Variants in GRHL3 observed in about 807,000 individuals in gnomAD.
GRHL3 encodes the protein grainyhead like transcription factor 3.
In GRHL3, 20 loss-of-function variants were observed where a neutral mutation model predicts 70.3. The ratio of observed to expected loss-of-function variants is 0.28; its 90% CI spans 0.20 to 0.41. The LOEUF (loss-of-function observed/expected upper bound fraction) is 0.41, where lower values mean the gene tolerates loss of function less well. Ranked by LOEUF, GRHL3 falls within the 10% of genes least tolerant of loss-of-function variation. The pLI, the probability that GRHL3 is intolerant of heterozygous loss-of-function variation, is 1.00. For missense variants in GRHL3, 637 were observed against 762.3 expected (o/e 0.84, Z 1.94); for synonymous variants, 299 against 299.9 (o/e 1.00, Z 0.03).
intron 11 of GRHL3, among the ~76,000 whole-genome samples, chr1:24,344,528 T>C (rs1329834242): frequency 6.9e-6 from 1 of 145,280 alleles, no homozygotes; most frequent in African/African-American, 2.5e-5. Flanking sequence ...CTGTTGCCCT[T>C]GCTCCCTTGG....
At chr1:24,335,014 AAC>A (rs35646472) in intron 3 of GRHL3, among the ~76,000 whole-genome samples, 27,921 of 136,560 alleles carry the variant, frequency 0.2, 2,570 homozygotes, top group Middle Eastern at 0.28. Context: ...TCAGCTTGAA[AAC>A]ACACACACAC....
intron 14 of GRHL3, among the ~76,000 whole-genome samples, chr1:24,348,139 G>C (rs549096039): frequency 1.3e-5 from 2 of 152,162 alleles, no homozygotes; most frequent in African/African-American, 2.4e-5. Flanking sequence ...GGAACCACTC[G>C]GAAAAGCCAG....
intron 11 of GRHL3, 39 bp downstream of exon 11, chr1:24,343,064 A>G: frequency 6.2e-7 from 1 of 1,612,772 alleles, no homozygotes. Context: ...GAGCCGAGAG[A>G]GGGTCCTGGC....
intron 15 of GRHL3, among the ~76,000 whole-genome samples, chr1:24,363,425 G>A (rs1329621520): frequency 2.0e-5 from 3 of 152,154 alleles, no homozygotes; most frequent in Non-Finnish European, 4.4e-5. Context: ...TTGACAATCC[G>A]CTGCCAGCAA....
Position 24,344,869 on chromosome 1 carries a change from G to A in GRHL3, c.1420-28G>A, listed in dbSNP as rs1397125299. On this transcript the variant is annotated intron_variant, in intron 11 of 15. Coordinates refer to ENST00000361548, the MANE Select transcript of GRHL3 (RefSeq NM_198173.3). ...CTCCTCTCATTTTCCTGCGTGTGAT[G>A]GAAAATGTCTTTTTCACTTCATTGC... 2.5e-6 allele frequency: 4 copies of A among 1,613,564 alleles called. No individual in the cohort carries two copies. The East Asian group carries it at 8.9e-5, about 36-fold the overall frequency.
At chr1:24,327,100 A>G (rs1639426958) in intron 1 of GRHL3, among the ~76,000 whole-genome samples, 1 of 152,204 alleles carries the variant, frequency 6.6e-6, no homozygotes, top group African/African-American at 2.4e-5. Context: ...GGTTATTATT[A>G]ACTGAGCAAT....
chr1:24,346,442 C>G, intron 12 of GRHL3, 111 bp from the exon 13 acceptor site: 3 of 684,672 alleles, frequency 4.4e-6, no homozygotes, highest in Non-Finnish European at 7.8e-6. Context: ...GCTTTGCATC[C>G]ACCCTTGTGT....
rs1640632389 is a variant in GRHL3 at position 24,354,382 on chromosome 1, T to C, written c.1703T>C (p.Val568Ala). The C allele has an allele frequency of 6.2e-7, 1 of 1,612,136 alleles. No homozygotes were observed. Among genetic ancestry groups the C allele is most frequent in the African/African-American group, 1.3e-5 (1 of 74,860 alleles). Residue 568 changes from valine (V) to alanine (A), a missense_variant, in exon 16 of 16, where the codon GTC becomes GCC. This residue lies in a region of GRHL3 where 387 missense variants were observed against 513.8 expected (regional missense o/e 0.75). Coordinates refer to ENST00000361548, the MANE Select transcript of GRHL3 (RefSeq NM_198173.3). ...CCCCTCTTCCATTCCAGAATCTTAGTCAACATGGACAACAACATCATTCAG... is the reference window on the plus strand; with the variant it reads ...CCCCTCTTCCATTCCAGAATCTTAGCCAACATGGACAACAACATCATTCAG... ...VYKKCKRGILVNMDNNIIQHY... is the reference protein window; with the variant it reads ...VYKKCKRGILANMDNNIIQHY...
At chr1:24,329,813 G>A (rs1485443970) in intron 1 of GRHL3, among the ~76,000 whole-genome samples, 1 of 152,190 alleles carries the variant, frequency 6.6e-6, no homozygotes, top group South Asian at 2.1e-4. Flanking sequence ...CATCTCTGGG[G>A]CTCTCTCTTC....
In GRHL3 at chr1:24,334,195, C is replaced by T. The variant is rs1639709981; in HGVS notation, c.205-450C>T. Among the ~76,000 whole-genome samples, 1 of 152,144 alleles carries T rather than the reference C, an allele frequency of 6.6e-6. No homozygotes were observed. The highest frequency in any genetic ancestry group is 2.1e-4 in the South Asian group (1 of 4,828). Reference sequence around the variant, plus strand: ...TTTTCTAGTGAGCAAGTGTATTAGTCTGTTCTCACGCTGCTAATAAAGACA... The same window carrying T: ...TTTTCTAGTGAGCAAGTGTATTAGTTTGTTCTCACGCTGCTAATAAAGACA... On this transcript the variant is annotated intron_variant, in intron 2 of 15. Transcript: ENST00000361548. This position sits in a 1 kb window ranked among gnomAD's most constrained non-coding sequence, Gnocchi z 4.3.
chr1:24,364,420 A>G, exon 16 of GRHL3: 1 of 1,489,398 alleles, frequency 6.7e-7, no homozygotes, highest in Non-Finnish European at 8.9e-7. Context: ...GTCACATCTG[A>G]GAGCTCTCAG....
chr1:24,354,485 G>A lies in GRHL3; in HGVS notation c.1806G>A (p.Leu602=). Residue 602 remains leucine, a synonymous_variant, in exon 16 of 16, where the codon CTG becomes CTA. Transcript: ENST00000361548. ...AAATTCAGATCATCCTTAAGGAGCTGTAAGGCCTCTCGAGCATCCAAACCC... is the reference window on the plus strand; with the variant it reads ...AAATTCAGATCATCCTTAAGGAGCTATAAGGCCTCTCGAGCATCCAAACCC... ...DGKIQIILKE[L] 3 of 1,605,872 alleles carry A rather than the reference G, an allele frequency of 1.9e-6. No individual in the cohort carries two copies. The highest frequency in any genetic ancestry group is 1.3e-5 in the African/African-American group (1 of 74,880).
rs777917975 is a variant in GRHL3, at chr1:24,331,453, C to G, written c.45C>G (p.Asn15Lys). The change falls in exon 2 of 16, where the codon AAC (asparagine) becomes AAG (lysine). Residue 15 changes from asparagine (N) to lysine (K), a missense_variant. This residue lies in a region of GRHL3 where 250 missense variants were observed against 248.6 expected (regional missense o/e 1.01). Coordinates refer to ENST00000361548, the MANE Select transcript of GRHL3 (RefSeq NM_198173.3). ...TCAGGTCTGTGCGGCTGCTAAAGAACGACCCAGTCAACTTGCAGAAATTCT... is the reference window on the plus strand; with the variant it reads ...TCAGGTCTGTGCGGCTGCTAAAGAAGGACCCAGTCAACTTGCAGAAATTCT... The part of the protein sequence containing the change: ...LDFRSVRLLK[N>K]DPVNLQKFSY... 6.2e-7 allele frequency: 1 copy of G among 1,612,958 alleles called. No individual in the cohort carries two copies. The highest frequency in any genetic ancestry group is 8.5e-7 in the Non-Finnish European group (1 of 1,179,436).
At chr1:24,347,298 C>G (rs750499203) in intron 13 of GRHL3, among the ~76,000 whole-genome samples, 170 bp from the exon 14 acceptor site, 6 of 152,236 alleles carry the variant, frequency 3.9e-5, no homozygotes, top group African/African-American at 7.2e-5. Context: ...CACATAAGCA[C>G]AGCTTAAGAG....
chr1:24,326,292 G>A lies in GRHL3; in HGVS notation c.18-5134G>A, dbSNP rs370376261. Among the ~76,000 whole-genome samples, 95 of 152,052 alleles carry A rather than the reference G, an allele frequency of 6.2e-4. 1 individual carries two copies. The South Asian group carries it at 0.019, about 31-fold the overall frequency. The stretch of plus-strand genomic sequence containing the variant: ...ATGCCTTTGATCTTGCCTTTCCTTT[G>A]ATCTGGAAGGTCCAAGGTCCTCCCA... On this transcript the variant is annotated intron_variant, in intron 1 of 15. Coordinates refer to ENST00000361548, the MANE Select transcript of GRHL3 (RefSeq NM_198173.3).
chr1:24,337,155 A>G lies in GRHL3; in HGVS notation c.686+4A>G. 1 of 1,612,188 alleles carries G rather than the reference A, an allele frequency of 6.2e-7. No individual in the cohort carries two copies. The highest frequency in any genetic ancestry group is 2.2e-5 in the East Asian group (1 of 44,866). On this transcript the variant is annotated splice_donor_region_variant and intron_variant, in intron 5 of 15. Coordinates refer to ENST00000361548, the MANE Select transcript of GRHL3 (RefSeq NM_198173.3). ...AGGACTACCCCAGCCTCAAAAGGTAACTTGGTCTCCCTGGACCCTCAGACA... is the reference window on the plus strand; with the variant it reads ...AGGACTACCCCAGCCTCAAAAGGTAGCTTGGTCTCCCTGGACCCTCAGACA...
chr1:24,322,469 G>A lies in GRHL3; in HGVS notation c.17+2901G>A, dbSNP rs1263385462. Reference sequence around the variant, plus strand: ...AGGAGCAAATTTTTGTCGTGCACGAGGTGTGTTATTAAAAGTCGGAGCTAC... The same window carrying A: ...AGGAGCAAATTTTTGTCGTGCACGAAGTGTGTTATTAAAAGTCGGAGCTAC... On this transcript the variant is annotated intron_variant, in intron 1 of 15. Coordinates refer to ENST00000361548, the MANE Select transcript of GRHL3 (RefSeq NM_198173.3). This position sits in a 1 kb window ranked among gnomAD's most constrained non-coding sequence, Gnocchi z 4.4. 6.6e-6 allele frequency among the ~76,000 whole-genome samples: 1 copy of A among 152,238 alleles called. No homozygotes were observed. Among genetic ancestry groups the A allele is most frequent in the African/African-American group, 2.4e-5 (1 of 41,464 alleles).
At chr1:24,359,258 C>T (rs979830200), downstream of GRHL3, among the ~76,000 whole-genome samples, 4 of 152,212 alleles carry the variant, frequency 2.6e-5, no homozygotes, top group African/African-American at 4.8e-5. This position sits in a 1 kb window ranked among gnomAD's most constrained non-coding sequence, Gnocchi z 5.3. Context: ...GTGATCAGAG[C>T]GGCAGGAGCT....
At position 24,360,937 on chromosome 1, in the gene GRHL3, C is replaced by T. The variant is rs747319327; in HGVS notation, c.1695-3248C>T. The T allele has an allele frequency of 5.9e-5, 95 of 1,613,838 alleles. No individual in the cohort carries two copies. The highest frequency in any genetic ancestry group is 1.6e-4 in the Middle Eastern group (1 of 6,084). ...TGATGCACTAGAGATGAAATGCTTG[C>T]GGGGGCCTAAGTAGTCCACGATCTC... is the stretch of plus-strand genomic sequence containing the variant. On this transcript the variant is annotated intron_variant, in intron 15 of 15. Coordinates refer to the GRHL3 transcript ENST00000350501.
Sources: allele counts gnomAD v4.1 joint callset (sites outside exome capture counted in the v4.1 genomes callset), GRCh38; gene constraint gnomAD v4.1.1; regional missense constraint gnomAD v4.1.1; non-coding constraint Gnocchi (gnomAD v3.1); transcripts MANE v1.5; gene names NCBI Gene and HGNC (gene_info 2026-07-23, HGNC 2026-07-21).